Variants in IL18RAP observed in about 807,000 individuals in gnomAD.
IL18RAP encodes interleukin-18 receptor accessory protein.
A neutral mutation model predicts 58.1 loss-of-function variants in IL18RAP; 37 were observed. The ratio of observed to expected loss-of-function variants is 0.64; its 90% confidence interval spans 0.49 to 0.84. The LOEUF is 0.84. Among genes scored for constraint, IL18RAP ranks in the 40% least tolerant of loss-of-function variants. The probability of loss-of-function intolerance (pLI) is 0.00; values close to 1 mark genes in which losing one functional copy is unlikely to be tolerated. For missense variants in IL18RAP, 667 were observed against 704.8 expected, an observed-to-expected ratio of 0.95 and a Z score of 0.61; for synonymous variants, 268 against 257.5, an observed-to-expected ratio of 1.04 and a Z score of -0.39.
chr2:102,419,997 C>T (rs1681470325), upstream of IL18RAP, among the ~76,000 whole-genome samples: 1 of 152,226 alleles, frequency 6.6e-6, no homozygotes, highest in Non-Finnish European at 1.5e-5. Context: ...ATGTACTCTG[C>T]ATTTTGGTGG....
Position 102,424,405 on chromosome 2 carries a change from C to A in IL18RAP, c.570C>A (p.Thr190=), listed in dbSNP as rs1681797897. The part of the protein sequence containing the change: ...CQSDAQSPAV[T]WYKNGKLLSV... ...GTGATGCACAAAGTCCAGCGGTAAC[C>A]TGGTACAAGGTAAGAGTGAATTCTC... Residue 190 remains threonine, a synonymous_variant, in exon 3 of 10, where the codon ACC becomes ACA. Transcript: ENST00000687160. 6.2e-7 allele frequency: 1 copy of A among 1,613,574 alleles called. No homozygotes were observed. The highest frequency in any genetic ancestry group is 8.5e-7 in the Non-Finnish European group (1 of 1,179,754).
intron 8 of IL18RAP, 35 bp from the exon 9 acceptor site, chr2:102,450,813 T>C: frequency 2.1e-6 from 3 of 1,420,524 alleles, no homozygotes; most frequent in Non-Finnish European, 2.9e-6. Context: ...AAAGAGTAAA[T>C]GACTTATGTT....
chr2:102,437,118 T>C lies in IL18RAP; in HGVS notation c.580-94T>C, dbSNP rs1682799263. 4 of 1,170,880 alleles carry C rather than the reference T, an allele frequency of 3.4e-6. No individual in the cohort carries two copies. The Admixed American group carries it at 8.9e-5, about 26-fold the overall frequency. The allele number at this position is 1,170,880 out of a possible 1,614,324, so 72.5% of individuals were successfully genotyped here. On this transcript the variant is annotated intron_variant, in intron 3 of 9. Coordinates refer to ENST00000687160, the MANE Select transcript of IL18RAP (RefSeq NM_001393487.1). ...CCTTATCTCAGATTGACCTTCTTCC[T>C]CCCTGTTCAAATTTGTAAGATTTTT... is the stretch of plus-strand genomic sequence containing the variant.
chr2:102,448,640 C>T (rs1161261885), intron 8 of IL18RAP, among the ~76,000 whole-genome samples: 4 of 151,968 alleles, frequency 2.6e-5, no homozygotes, highest in Non-Finnish European at 5.9e-5. Context: ...TTGTCAGATC[C>T]CTGGGGGAAG....
At chr2:102,424,915 A>G (rs540857423) in intron 3 of IL18RAP, among the ~76,000 whole-genome samples, 2 of 152,322 alleles carry the variant, frequency 1.3e-5, no homozygotes, top group African/African-American at 4.8e-5. Context: ...GAGATGGTGG[A>G]AAGGAGTACA....
chr2:102,423,470 G>A (rs554697388), intron 1 of IL18RAP, 123 bp downstream of exon 1: 1 of 834,118 alleles, frequency 1.2e-6, no homozygotes. Flanking sequence ...CTATTAAAAG[G>A]GGACTGAGAG....
intron 6 of IL18RAP, among the ~76,000 whole-genome samples, chr2:102,443,807 G>A (rs964040612): frequency 2.0e-5 from 3 of 152,158 alleles, no homozygotes; most frequent in African/African-American, 7.2e-5. Flanking sequence ...CCGAAAAAGA[G>A]GCTCAGAGGA....
chr2:102,428,952 GA>G (rs1682155191), intron 3 of IL18RAP, among the ~76,000 whole-genome samples: 1 of 151,922 alleles, frequency 6.6e-6, no homozygotes, highest in Non-Finnish European at 1.5e-5. Flanking sequence ...CATCGATTGA[GA>G]TCATCATACA....
At chr2:102,442,697 T>G (rs1416768392) in intron 5 of IL18RAP, among the ~76,000 whole-genome samples, 4 of 152,232 alleles carry the variant, frequency 2.6e-5, no homozygotes, top group Non-Finnish European at 4.4e-5. Context: ...ATAATATGCA[T>G]GCCCATCCAT....
intron 8 of IL18RAP, among the ~76,000 whole-genome samples, chr2:102,447,802 C>T (rs951878460): frequency 6.6e-6 from 1 of 152,048 alleles, no homozygotes. Flanking sequence ...ACCATCTCAG[C>T]TTACTTCAAT....
At chr2:102,451,647 G>T (rs1210000241) in intron 9 of IL18RAP, 119 bp from the exon 10 acceptor site, 3 of 794,510 alleles carry the variant, frequency 3.8e-6, no homozygotes, top group Admixed American at 2.4e-5. Flanking sequence ...CTGATACAGT[G>T]TAAGTGGTAG....
At chr2:102,446,751 C>T (rs1221154537) in intron 7 of IL18RAP, among the ~76,000 whole-genome samples, 1 of 148,980 alleles carries the variant, frequency 6.7e-6, no homozygotes. Flanking sequence ...CAGTGAGCTG[C>T]GCGCCACTGC....
intron 4 of IL18RAP, chr2:102,440,584 A>G (rs1275411433): frequency 1.3e-5 from 2 of 152,172 alleles, no homozygotes; most frequent in African/African-American, 4.8e-5. Flanking sequence ...GGATGATGAG[A>G]CTGAGCATGA....
upstream of IL18RAP, among the ~76,000 whole-genome samples, chr2:102,421,157 G>A (rs1681550899): frequency 6.6e-6 from 1 of 151,846 alleles, no homozygotes; most frequent in Admixed American, 6.6e-5. Context: ...TTCCTGCTGG[G>A]ATGGAACTTA....
Position 102,424,386 on chromosome 2 carries a change from C to T in IL18RAP, c.551C>T (p.Ala184Val). The T allele has an allele frequency of 6.2e-7, 1 of 1,614,000 alleles. No homozygotes were observed. The highest frequency in any genetic ancestry group is 8.5e-7 in the Non-Finnish European group (1 of 1,179,906). ...SCPSLSCQSD[A>V]QSPAVTWYKN... ...CCCAGTCTCAGCTGCCAAAGTGATG[C>T]ACAAAGTCCAGCGGTAACCTGGTAC... Residue 184 changes from alanine (A) to valine (V), a missense_variant, in exon 3 of 10, where the codon GCA becomes GTA. Physicochemically the swap from Ala to Val is moderately conservative, Grantham distance 64. Transcript: ENST00000687160.
intron 4 of IL18RAP, chr2:102,439,709 T>A (rs949419707): frequency 3.3e-5 from 5 of 152,250 alleles, no homozygotes; most frequent in African/African-American, 1.2e-4. Context: ...TGAATGGTGG[T>A]ACCATTTAAG....
At chr2:102,444,849 GAGGGACTGATACAT>G (rs1225073762) in intron 6 of IL18RAP, among the ~76,000 whole-genome samples, 1 of 152,194 alleles carries the variant, frequency 6.6e-6, no homozygotes, top group Non-Finnish European at 1.5e-5. Flanking sequence ...GTGCACAGAA[GAGGGACTGATACAT>G]AGTAAACCTT....
intron 9 of IL18RAP, among the ~76,000 whole-genome samples, chr2:102,451,351 C>T (rs1048055511): frequency 1.3e-5 from 2 of 152,218 alleles, no homozygotes; most frequent in Non-Finnish European, 2.9e-5. Context: ...ACTCTGCCTT[C>T]CACAAAGCTC....
chr2:102,425,095 C>A (rs760971078), intron 3 of IL18RAP, among the ~76,000 whole-genome samples: 34 of 152,156 alleles, frequency 2.2e-4, no homozygotes, highest in South Asian at 2.1e-4. Context: ...TCCAAAAGAG[C>A]CCCCTGTCAG....
Sources: gnomAD v4.1 joint callset for allele counts (sites outside exome capture counted in the v4.1 genomes callset) on GRCh38, gnomAD v4.1.1 for gene constraint, MANE v1.5 for transcripts, NCBI Gene and HGNC (gene_info 2026-07-23, HGNC 2026-07-21) for gene names.